ENAM: variants seen among roughly 807,000 people sequenced by gnomAD.
The protein encoded by ENAM is amelogenesis imperfecta 2, hypocalcification (autosomal dominant).
Under a neutral mutation model 33.6 loss-of-function variants are expected in ENAM, and 21 were observed. That is an observed-to-expected ratio of 0.63 (90% confidence interval 0.44 to 0.90). ENAM has a LOEUF of 0.90. Among genes scored for constraint, ENAM ranks in the 40% least tolerant of loss-of-function variants. The probability of loss-of-function intolerance (pLI) is 0.00; values close to 1 mark genes in which losing one functional copy is unlikely to be tolerated. For missense variants in ENAM, 1,388 were observed against 1,366.9 expected, an observed-to-expected ratio of 1.02 and a Z score of -0.24; for synonymous variants, 473 against 468.4, an observed-to-expected ratio of 1.01 and a Z score of -0.13.
At chr4:70,635,675 G>A (rs562489155) in intron 6 of ENAM, among the ~76,000 whole-genome samples, 157 bp from the exon 7 acceptor site, 3 of 152,300 alleles carry the variant, frequency 2.0e-5, no homozygotes, top group Non-Finnish European at 4.4e-5. Context: ...GATACTAATT[G>A]TTATTATCAT....
Position 70,634,546 on chromosome 4 carries a change from A to G in ENAM, c.449A>G (p.Glu150Gly), listed in dbSNP as rs752256214. The change falls in exon 6 of 9, where the codon GAA (glutamate) becomes GGA (glycine). Residue 150 changes from glutamate to glycine, a missense_variant. Glu to Gly is a moderately conservative substitution (Grantham distance 98). Transcript: ENST00000396073. ...CCATCACATAATCAACCTCAGCCCGAAGAGGAAGCTCAACCCCCTCAGGTG... is the reference window on the plus strand; with the variant it reads ...CCATCACATAATCAACCTCAGCCCGGAGAGGAAGCTCAACCCCCTCAGGTG... Reference protein sequence around the residue: ...KQPSHNQPQPEEEAQPPQAFP... With the variant: ...KQPSHNQPQPGEEAQPPQAFP... The G allele has an allele frequency of 6.2e-6, 10 of 1,614,166 alleles. No homozygotes were observed. The East Asian group carries it at 2.2e-4, about 36-fold the overall frequency.
chr4:70,637,865 T>A, intron 8 of ENAM, 22 bp downstream of exon 8: 1 of 1,574,426 alleles, frequency 6.4e-7, no homozygotes, highest in Non-Finnish European at 8.7e-7. Flanking sequence ...TAAAACTACA[T>A]TCTCCACTAG....
Position 70,641,389 on chromosome 4 carries a change from A to AT in ENAM, c.589-623dup, listed in dbSNP as rs1560403416. Among the ~76,000 whole-genome samples the AT allele has an allele frequency of 2.4e-3, 350 of 145,268 alleles. 1 individual carries two copies. The highest frequency in any genetic ancestry group is 8.2e-3 in the African/African-American group (322 of 39,192). On this transcript the variant is annotated intron_variant, in intron 8 of 8. Transcript: ENST00000396073. ...TCTTTTATTTTTTTTTATTTTATTTATTTATTTATTTTTTTTTTTGAGATG... is the reference window on the plus strand; with the variant it reads ...TCTTTTATTTTTTTTTATTTTATTTATTTTATTTATTTTTTTTTTTGAGATG...
In ENAM at chr4:70,634,265, C is replaced by G. The variant is rs199855542; in HGVS notation, c.211-43C>G. The G allele has an allele frequency of 1.1e-4, 173 of 1,603,922 alleles. 1 individual carries two copies. The highest frequency in any genetic ancestry group is 1.4e-4 in the Non-Finnish European group (169 of 1,172,402). Reference sequence around the variant, plus strand: ...ATTAGAGGATGGAGACAGCCTGAATCACAGCTCTATTATGATTTCACTATT... The same window carrying G: ...ATTAGAGGATGGAGACAGCCTGAATGACAGCTCTATTATGATTTCACTATT... On this transcript the variant is annotated intron_variant, in intron 5 of 8. Transcript: ENST00000396073.
At chr4:70,632,853 C>A (rs1036384687) in intron 5 of ENAM, among the ~76,000 whole-genome samples, 161 bp downstream of exon 5, 4 of 152,094 alleles carry the variant, frequency 2.6e-5, no homozygotes, top group African/African-American at 9.7e-5. Flanking sequence ...CCTATCCTCT[C>A]ACACCAAATT....
Position 70,646,060 on chromosome 4 carries a change from T to C in ENAM, c.*1205T>C, listed in dbSNP as rs1021538883. On this transcript the variant is annotated 3_prime_UTR_variant, in exon 9 of 9. Transcript: ENST00000396073. ...TAAATAAAAACTCAATGTTTAGTTGTTTTTTTTTTTTTTTACTAGTTCAGC... is the reference window on the plus strand; with the variant it reads ...TAAATAAAAACTCAATGTTTAGTTGCTTTTTTTTTTTTTTACTAGTTCAGC... The C allele has an allele frequency of 8.7e-6, 1 of 115,542 alleles. No individual in the cohort carries two copies. Among genetic ancestry groups the C allele is most frequent in the Non-Finnish European group, 1.7e-5 (1 of 58,200 alleles). The allele number at this position is 115,542 out of a possible 1,614,324, so 7.2% of individuals were successfully genotyped here.
chr4:70,642,886 C>A lies in ENAM; in HGVS notation c.1460C>A (p.Ser487Tyr). The A allele has an allele frequency of 6.2e-7, 1 of 1,614,072 alleles. No homozygotes were observed. The highest frequency in any genetic ancestry group is 2.2e-5 in the East Asian group (1 of 44,864). Residue 487 changes from serine to tyrosine, a missense_variant, in exon 9 of 9, where the codon TCT (serine) becomes TAT (tyrosine). Physicochemically the swap from Ser to Tyr is moderately radical, Grantham distance 144 (BLOSUM62 -2). Coordinates refer to ENST00000396073, the MANE Select transcript of ENAM (RefSeq NM_031889.3). ...EGYMPVPNFN[S>Y]VDQHENSYYP... ...TATATGCCAGTCCCAAATTTTAATT[C>A]TGTTGATCAACATGAAAACTCCTAT...
Position 70,634,393 on chromosome 4 carries a change from C to T in ENAM, c.296C>T (p.Pro99Leu). Residue 99 changes from proline (P) to leucine (L), a missense_variant, in exon 6 of 9, where the codon CCC becomes CTC. By Grantham distance (98) the Pro-to-Leu change is moderately conservative. Coordinates refer to ENST00000396073, the MANE Select transcript of ENAM (RefSeq NM_031889.3). Reference sequence around the variant, plus strand: ...ATGCCCATGTGGCCTCAGCCACCACCCAACACATGGCATCCACGGAAATCC... The same window carrying T: ...ATGCCCATGTGGCCTCAGCCACCACTCAACACATGGCATCCACGGAAATCC... ...YQMPMWPQPP[P>L]NTWHPRKSSA... The T allele has an allele frequency of 6.2e-7, 1 of 1,614,108 alleles. No individual in the cohort carries two copies. Among genetic ancestry groups the T allele is most frequent in the Non-Finnish European group, 8.5e-7 (1 of 1,180,006 alleles).
chr4:70,643,953 A>G lies in ENAM; in HGVS notation c.2527A>G (p.Arg843Gly), dbSNP rs1738685786. Residue 843 changes from arginine (R) to glycine (G), a missense_variant, in exon 9 of 9, where the codon AGA (arginine) becomes GGA (glycine). Arg to Gly is a moderately radical substitution (Grantham distance 125). Transcript: ENST00000396073. ...AATAACTAGGATGAATTCTCCAGAGAGAGAACATTCATCTTTCCCTAACTT... is the reference window on the plus strand; with the variant it reads ...AATAACTAGGATGAATTCTCCAGAGGGAGAACATTCATCTTTCCCTAACTT... ...MQITRMNSPE[R>G]EHSSFPNFIP... 1 of 1,614,040 alleles carries G rather than the reference A, an allele frequency of 6.2e-7. No homozygotes were observed. The highest frequency in any genetic ancestry group is 1.1e-5 in the South Asian group (1 of 91,080).
intron 8 of ENAM, among the ~76,000 whole-genome samples, chr4:70,639,293 G>T (rs1738540643): frequency 6.6e-6 from 1 of 152,134 alleles, no homozygotes; most frequent in Non-Finnish European, 1.5e-5. Flanking sequence ...CAGGCTTTAA[G>T]AAGCTTTTAT....
At chr4:70,635,231 G>A (rs917690411) in intron 6 of ENAM, among the ~76,000 whole-genome samples, 4 of 152,126 alleles carry the variant, frequency 2.6e-5, no homozygotes, top group African/African-American at 9.7e-5. Context: ...ACAAAAAGTA[G>A]CTGGGCTTGG....
Position 70,642,076 on chromosome 4 carries a change from A to G in ENAM, c.650A>G (p.Glu217Gly). ...GGGGGTCGCCCTCCTTATTATTCAGAAGAAATGTTTGAACAAGATTTTGAA... is the reference window on the plus strand; with the variant it reads ...GGGGGTCGCCCTCCTTATTATTCAGGAGAAATGTTTGAACAAGATTTTGAA... Reference protein sequence around the residue: ...GFGGRPPYYSEEMFEQDFEKP... With the variant: ...GFGGRPPYYSGEMFEQDFEKP... The change falls in exon 9 of 9, where the codon GAA becomes GGA. Residue 217 changes from glutamate to glycine, a missense_variant. Glu to Gly is a moderately conservative substitution (Grantham distance 98). Transcript: ENST00000396073. The G allele has an allele frequency of 6.2e-7, 1 of 1,614,112 alleles. No individual in the cohort carries two copies. Among genetic ancestry groups the G allele is most frequent in the Non-Finnish European group, 8.5e-7 (1 of 1,179,960 alleles).
chr4:70,641,389 A>ATTTTT (rs1560403416), intron 8 of ENAM, among the ~76,000 whole-genome samples: 5 of 145,220 alleles, frequency 3.4e-5, no homozygotes, highest in African/African-American at 1.3e-4. Flanking sequence ...TATTTTATTT[A>ATTTTT]TTTATTTATT....
In ENAM at chr4:70,642,265, G is replaced by T; in HGVS notation, c.839G>T (p.Gly280Val). ...AACAGTACCCCAGGACTAAACACTG[G>T]GAACAACCCTCCAGCTCAAAATGGG... ...TGNSTPGLNT[G>V]NNPPAQNGIG... The change falls in exon 9 of 9, where the codon GGG (glycine) becomes GTG (valine). Residue 280 changes from glycine (G) to valine (V), a missense_variant. Transcript: ENST00000396073. 2 of 1,614,086 alleles carry T rather than the reference G, an allele frequency of 1.2e-6. No individual in the cohort carries two copies. The highest frequency in any genetic ancestry group is 1.7e-5 in the Admixed American group (1 of 60,008).
At chr4:70,632,013 AG>A (rs1577968189) in intron 4 of ENAM, 120 bp downstream of exon 4, 3 of 968,076 alleles carry the variant, frequency 3.1e-6, no homozygotes, top group East Asian at 2.4e-5. Context: ...AGGTAAAAAG[AG>A]GGAGATTTGA....
At chr4:70,640,257 G>A (rs1738564855) in intron 8 of ENAM, among the ~76,000 whole-genome samples, 1 of 152,202 alleles carries the variant, frequency 6.6e-6, no homozygotes, top group Non-Finnish European at 1.5e-5. Flanking sequence ...AATTCAGTGG[G>A]ATAATTGTGA....
Position 70,632,039 on chromosome 4 carries a change from C to T in ENAM, c.168+146C>T, listed in dbSNP as rs143702450. On this transcript the variant is annotated intron_variant, in intron 4 of 8. Coordinates refer to ENST00000396073, the MANE Select transcript of ENAM (RefSeq NM_031889.3). ...GGGAGATTTGAAAGTCTTAAACTCT[C>T]AAATCGAGGCAAAGTAGTAATTTCC... is the stretch of plus-strand genomic sequence containing the variant. 1.0e-5 allele frequency: 8 copies of T among 763,764 alleles called. No individual in the cohort carries two copies. In the Admixed American group the frequency reaches 1.4e-4, roughly 14 times the overall value. The allele number at this position is 763,764 out of a possible 1,614,324, so 47.3% of individuals were successfully genotyped here.
At chr4:70,631,320 T>C (rs1738311596) in intron 2 of ENAM, among the ~76,000 whole-genome samples, 1 of 152,112 alleles carries the variant, frequency 6.6e-6, no homozygotes, top group Admixed American at 6.6e-5. Context: ...AATATTCCTA[T>C]TTGGGGGATA....
intron 2 of ENAM, 93 bp downstream of exon 2, chr4:70,629,647 T>C: frequency 2.1e-6 from 2 of 934,490 alleles, no homozygotes; most frequent in Non-Finnish European, 1.8e-6. Context: ...ACTACTGAAA[T>C]GTATCAGAAG....
Sources: allele counts gnomAD v4.1 joint callset (sites outside exome capture counted in the v4.1 genomes callset), GRCh38; gene constraint gnomAD v4.1.1; transcripts MANE v1.5; gene names NCBI Gene and HGNC (gene_info 2026-07-23, HGNC 2026-07-21).